The following DNAAF19 variants were observed in gnomAD, a reference collection of about 807,000 sequenced individuals.
DNAAF19 encodes coiled-coil domain containing 103.
chr17:44,902,871 T>G, the DNAAF19 span: 21 of 1,464,886 alleles, frequency 1.4e-5, no homozygotes, highest in African/African-American at 1.4e-4. Flanking sequence ...GTTTTTTGGT[T>G]GTTGTCTTGG....
chr17:44,902,240 T>C, the DNAAF19 span: 1 of 1,328,936 alleles, frequency 7.5e-7, no homozygotes, highest in Non-Finnish European at 1.1e-6. Context: ...GACCACAGCT[T>C]TCCCAGTGCT....
At chr17:44,905,112 G>C in the DNAAF19 span, 1 of 1,442,974 alleles carries the variant, frequency 6.9e-7, no homozygotes, top group Non-Finnish European at 9.4e-7. Flanking sequence ...CCTTCAATGT[G>C]TTTGTTAAAT....
the DNAAF19 span, chr17:44,903,164 G>C: frequency 1.6e-5 from 20 of 1,265,062 alleles, no homozygotes; most frequent in Non-Finnish European, 2.0e-5. Context: ...ACTCATAAAA[G>C]GGAAAAAGCA....
At chr17:44,902,555 G>A in the DNAAF19 span, 1 of 1,614,206 alleles carries the variant, frequency 6.2e-7, no homozygotes. Context: ...GATCACGTGG[G>A]GCCGGCTGAC....
At chr17:44,901,101 C>T in the DNAAF19 span, 16 of 1,606,072 alleles carry the variant, frequency 1.0e-5, no homozygotes, top group Middle Eastern at 1.7e-4. Context: ...TGCCAAGTTA[C>T]GGGCAGTGGA....
At chr17:44,902,956 G>T in the DNAAF19 span, 2 of 1,433,300 alleles carry the variant, frequency 1.4e-6, no homozygotes, top group Non-Finnish European at 1.8e-6. Flanking sequence ...GCAAAAACAG[G>T]AATCAAGTCT....
At chr17:44,902,607 T>TG in the DNAAF19 span, 14 of 1,614,100 alleles carry the variant, frequency 8.7e-6, no homozygotes, top group Non-Finnish European at 1.2e-5. Flanking sequence ...TGGCGAGCAC[T>TG]GGGCGCTTCA....
the DNAAF19 span, chr17:44,901,103 G>A: frequency 6.2e-7 from 1 of 1,607,538 alleles, no homozygotes; most frequent in Non-Finnish European, 8.5e-7. Flanking sequence ...CCAAGTTACG[G>A]GCAGTGGAAC....
At chr17:44,905,361 G>A in the DNAAF19 span, 109,919 of 417,234 alleles carry the variant, frequency 0.26, 15,055 homozygotes, top group Middle Eastern at 0.28. Context: ...GATTTATCCA[G>A]TGGTAAACAC....
the DNAAF19 span, chr17:44,903,044 T>C: frequency 1.0e-5 from 14 of 1,390,124 alleles, no homozygotes; most frequent in Non-Finnish European, 1.3e-5. Context: ...CTCAGGAAGT[T>C]GAGAGCGGTT....
chr17:44,903,426 G>A, the DNAAF19 span: 9 of 1,251,896 alleles, frequency 7.2e-6, no homozygotes, highest in Non-Finnish European at 6.0e-6. Flanking sequence ...CCCCCAGGTT[G>A]ATGAAAGACT....
chr17:44,904,056 C>T, the DNAAF19 span: 1 of 1,550,680 alleles, frequency 6.4e-7, no homozygotes, highest in Non-Finnish European at 8.7e-7. Context: ...AGCAGCCACA[C>T]CAAAGTGCTG....
the DNAAF19 span, chr17:44,903,648 C>T: frequency 2.5e-5 from 36 of 1,432,960 alleles, no homozygotes; most frequent in Non-Finnish European, 3.1e-5. Flanking sequence ...GCATCTTGTA[C>T]ATCCACTGGG....
the DNAAF19 span, chr17:44,903,522 G>A: frequency 6.2e-6 from 8 of 1,284,478 alleles, no homozygotes; most frequent in Non-Finnish European, 7.8e-6. Flanking sequence ...TTCTCATTCC[G>A]GTTTCCTTTG....
At chr17:44,901,810 A>G in the DNAAF19 span, among the ~76,000 whole-genome samples, 1 of 152,038 alleles carries the variant, frequency 6.6e-6, no homozygotes, top group Non-Finnish European at 1.5e-5. Flanking sequence ...TCTGCCTCCA[A>G]TCCCAGAAAG....
the DNAAF19 span, chr17:44,900,885 C>T: frequency 9.1e-6 from 10 of 1,104,866 alleles, no homozygotes; most frequent in Non-Finnish European, 1.1e-5. Flanking sequence ...GACATGATGT[C>T]CAGAGTGCTT....
the DNAAF19 span, chr17:44,904,559 G>A: frequency 6.4e-7 from 1 of 1,550,486 alleles, no homozygotes; most frequent in South Asian, 1.2e-5. Flanking sequence ...AGTACCCTGT[G>A]AGAAGACAAA....
chr17:44,904,024 G>T, the DNAAF19 span: 2 of 1,550,650 alleles, frequency 1.3e-6, no homozygotes, highest in Non-Finnish European at 1.7e-6. Context: ...CTGTAGTCTG[G>T]TTCTACCAAA....
chr17:44,902,413 T>G, the DNAAF19 span: 1 of 1,614,186 alleles, frequency 6.2e-7, no homozygotes. Context: ...CTATCGTGAT[T>G]GGCGACGACA....
Sources: gnomAD v4.1 joint callset for allele counts (sites outside exome capture counted in the v4.1 genomes callset) on GRCh38, gnomAD v4.1.1 for gene constraint, MANE v1.5 for transcripts, NCBI Gene and HGNC (gene_info 2026-07-23, HGNC 2026-07-21) for gene names.